The following GRM1 variants were observed in gnomAD, a reference collection of about 807,000 sequenced individuals.
The protein encoded by GRM1 is glutamate metabotropic receptor 1, also known as metabotropic glutamate receptor 1.
A neutral mutation model predicts 90.9 loss-of-function variants in GRM1; 33 were observed. That is an observed-to-expected ratio of 0.36 (90% CI 0.28 to 0.49). The LOEUF is 0.49. Among genes scored for constraint, GRM1 ranks in the 20% least tolerant of loss-of-function variants. The probability of loss-of-function intolerance (pLI) is 0.99; values close to 1 mark genes in which losing one functional copy is unlikely to be tolerated. For synonymous variants in GRM1, 700 were observed against 613.2 expected, an observed-to-expected ratio of 1.14 and a Z score of -2.09; for missense variants, 1,190 against 1,534.3, an observed-to-expected ratio of 0.78 and a Z score of 3.75.
intron 2 of GRM1, among the ~76,000 whole-genome samples, chr6:146,215,940 G>A (rs1779856507): frequency 6.6e-6 from 1 of 152,022 alleles, no homozygotes; most frequent in South Asian, 2.1e-4. Context: ...TGTATTTTTA[G>A]TAGGGACGGG....
intron 1 of GRM1, among the ~76,000 whole-genome samples, chr6:146,098,436 C>A (rs1582998724): frequency 6.6e-6 from 1 of 152,060 alleles, no homozygotes; most frequent in East Asian, 1.9e-4. Flanking sequence ...AATAAAACAT[C>A]CAGATTATAA....
intron 1 of GRM1, among the ~76,000 whole-genome samples, chr6:146,052,972 C>T (rs1353731509): frequency 6.6e-6 from 1 of 151,936 alleles, no homozygotes; most frequent in Admixed American, 6.6e-5. Context: ...AAAAAAACCC[C>T]GGGGTTTTAT....
intron 1 of GRM1, among the ~76,000 whole-genome samples, chr6:146,147,186 T>A (rs1777143347): frequency 6.6e-6 from 1 of 152,224 alleles, no homozygotes; most frequent in Admixed American, 6.5e-5. Context: ...TGAGTATTTT[T>A]TATTAAAGAA....
intron 5 of GRM1, among the ~76,000 whole-genome samples, chr6:146,371,897 C>T (rs938967565): frequency 2.0e-5 from 3 of 152,066 alleles, no homozygotes; most frequent in Non-Finnish European, 4.4e-5. Flanking sequence ...CAAATCTTAG[C>T]TATTAGAAAA....
At chr6:146,148,576 T>G (rs542963703) in intron 1 of GRM1, among the ~76,000 whole-genome samples, 1 of 152,280 alleles carries the variant, frequency 6.6e-6, no homozygotes, top group Non-Finnish European at 1.5e-5. Context: ...TGTTTTCTGT[T>G]TTTATTATTT....
At chr6:146,202,501 G>T (rs948050417) in intron 2 of GRM1, among the ~76,000 whole-genome samples, 7 of 152,176 alleles carry the variant, frequency 4.6e-5, no homozygotes, top group Admixed American at 4.6e-4. Context: ...AGTGAACATT[G>T]TGTTAACTTG....
At chr6:146,199,734 C>T (rs1476836562) in intron 2 of GRM1, among the ~76,000 whole-genome samples, 1 of 150,934 alleles carries the variant, frequency 6.6e-6, no homozygotes, top group Admixed American at 6.6e-5. Flanking sequence ...AGTGCTAACT[C>T]TCACCGGGTA....
intron 2 of GRM1, among the ~76,000 whole-genome samples, chr6:146,277,093 C>T (rs1782401258): frequency 6.6e-6 from 1 of 152,164 alleles, no homozygotes; most frequent in Non-Finnish European, 1.5e-5. Context: ...CAGAGTGAGA[C>T]TCTTGTCTTC....
In GRM1 at chr6:146,135,693, A is replaced by G. The variant is rs1489503474; in HGVS notation, c.701-23655A>G. Reference sequence around the variant, plus strand: ...TAGTAAGGGTATATATTTATGGAGTACATAAGATATTTTGAAAGAGGCATA... The same window carrying G: ...TAGTAAGGGTATATATTTATGGAGTGCATAAGATATTTTGAAAGAGGCATA... On this transcript the variant is annotated intron_variant, in intron 1 of 7. Transcript: ENST00000282753. Among the ~76,000 whole-genome samples the G allele has an allele frequency of 2.6e-5, 4 of 152,210 alleles. No individual in the cohort carries two copies. In the East Asian group the frequency reaches 7.7e-4, roughly 29 times the overall value.
chr6:146,259,362 A>T (rs1288586489), intron 2 of GRM1, among the ~76,000 whole-genome samples: 1 of 152,150 alleles, frequency 6.6e-6, no homozygotes, highest in Non-Finnish European at 1.5e-5. Flanking sequence ...TAAGTGCATT[A>T]TATAGTATTG....
At position 146,294,816 on chromosome 6, in the gene GRM1, A is replaced by C. The variant is rs1783119810; in HGVS notation, c.951-9795A>C. Among the ~76,000 whole-genome samples, 3 of 152,228 alleles carry C rather than the reference A, an allele frequency of 2.0e-5. No homozygotes were observed. In the South Asian group the frequency reaches 6.2e-4, roughly 31 times the overall value. On this transcript the variant is annotated intron_variant, in intron 2 of 7. Transcript: ENST00000282753. Reference sequence around the variant, plus strand: ...CTAATAAAGATTTATGCCTGAAAATAAGTTGTATCTTACATTACTATAACA... The same window carrying C: ...CTAATAAAGATTTATGCCTGAAAATCAGTTGTATCTTACATTACTATAACA...
intron 1 of GRM1, among the ~76,000 whole-genome samples, chr6:146,075,466 G>T (rs1259455505): frequency 6.6e-6 from 1 of 152,164 alleles, no homozygotes; most frequent in Admixed American, 6.6e-5. Context: ...AATGCTGTGA[G>T]ACTACAGAGC....
chr6:146,349,373 G>A (rs1004397161), intron 3 of GRM1, among the ~76,000 whole-genome samples: 5 of 151,726 alleles, frequency 3.3e-5, no homozygotes, highest in Admixed American at 1.3e-4. Context: ...GAGCCACCAC[G>A]CCCGGCCGTA....
chr6:146,068,641 A>G (rs1775928886), intron 1 of GRM1, among the ~76,000 whole-genome samples: 2 of 152,202 alleles, frequency 1.3e-5, no homozygotes, highest in Non-Finnish European at 2.9e-5. Context: ...GTCTTGGAAA[A>G]TAATAATTGC....
chr6:146,164,123 T>C (rs1777829537), intron 2 of GRM1, among the ~76,000 whole-genome samples: 1 of 152,176 alleles, frequency 6.6e-6, no homozygotes, highest in African/African-American at 2.4e-5. Flanking sequence ...GAATAATTTA[T>C]GTGTATGAGC....
At chr6:146,164,702 A>G (rs1204245235) in intron 2 of GRM1, among the ~76,000 whole-genome samples, 1 of 152,192 alleles carries the variant, frequency 6.6e-6, no homozygotes, top group Middle Eastern at 3.4e-3. Context: ...GCGGTACCTT[A>G]GCTCCACTAA....
At chr6:146,199,517 TATAGGCTAGCTA>T (rs1314943986) in intron 2 of GRM1, among the ~76,000 whole-genome samples, 1 of 152,236 alleles carries the variant, frequency 6.6e-6, no homozygotes, top group African/African-American at 2.4e-5. Context: ...GTCCTGCCAG[TATAGGCTAGCTA>T]ATTCTTTCAG....
chr6:146,245,714 T>G (rs759620624), intron 2 of GRM1, among the ~76,000 whole-genome samples: 10 of 152,220 alleles, frequency 6.6e-5, no homozygotes, highest in Non-Finnish European at 1.5e-4. Flanking sequence ...AATTATTCAT[T>G]ATAGTTAAAA....
At chr6:146,032,771 C>T (rs991321000) in intron 1 of GRM1, among the ~76,000 whole-genome samples, 18 of 152,140 alleles carry the variant, frequency 1.2e-4, no homozygotes, top group Non-Finnish European at 2.2e-4. Flanking sequence ...TCATTATCAT[C>T]GTTTCTTGTA....
Sources: allele counts gnomAD v4.1 joint callset (sites outside exome capture counted in the v4.1 genomes callset), GRCh38; gene constraint gnomAD v4.1.1; transcripts MANE v1.5; gene names NCBI Gene and HGNC (gene_info 2026-07-23, HGNC 2026-07-21).